TCTN1: variants seen among roughly 807,000 people sequenced by gnomAD.
TCTN1 encodes tectonic-1.
A neutral mutation model predicts 65.8 loss-of-function variants in TCTN1; 58 were observed. That is an observed-to-expected ratio of 0.88 (90% CI 0.71 to 1.10). TCTN1 has a LOEUF of 1.10. Among genes scored for constraint, TCTN1 ranks in the 50% least tolerant of loss-of-function variants. TCTN1 has a pLI of 0.00. For synonymous variants in TCTN1, 273 were observed against 289.1 expected, an observed-to-expected ratio of 0.94 and a Z score of 0.57; for missense variants, 645 against 719.4, an observed-to-expected ratio of 0.90 and a Z score of 1.18.
chr12:110,633,274 CTGTATTCTGCTGAAAAGACAAA>C (rs1236000018), intron 5 of TCTN1, among the ~76,000 whole-genome samples: 1 of 152,218 alleles, frequency 6.6e-6, no homozygotes, highest in Non-Finnish European at 1.5e-5. Context: ...GGAATGTATT[CTGTATTCTGCTGAAAAGACAAA>C]TGTATTCTGC....
At chr12:110,647,435 A>G in intron 13 of TCTN1, 99 bp downstream of exon 13, 1 of 1,481,670 alleles carries the variant, frequency 6.7e-7, no homozygotes, top group African/African-American at 1.4e-5. Flanking sequence ...AAAGATTATA[A>G]TTTAAACCAT....
intron 7 of TCTN1, among the ~76,000 whole-genome samples, chr12:110,638,314 G>T (rs1247351682): frequency 6.6e-6 from 1 of 152,212 alleles, no homozygotes; most frequent in East Asian, 1.9e-4. Context: ...GACACCAAAG[G>T]TTGTGCTCTA....
chr12:110,634,696 T>G lies in TCTN1; in HGVS notation c.739T>G (p.Cys247Gly), dbSNP rs1217263895. The change falls in exon 6 of 15, where the codon TGC becomes GGC. Residue 247 changes from cysteine (C) to glycine (G), a missense_variant. Coordinates refer to ENST00000397659, the MANE Select transcript of TCTN1 (RefSeq NM_001082538.3). ...AAFLVNQAVK[C>G]TRKINLEQCE... Reference sequence around the variant, plus strand: ...GTTTCTGGTGAACCAGGCTGTTAAGTGCACCAGAAAAATAAATTTAGAACA... The same window carrying G: ...GTTTCTGGTGAACCAGGCTGTTAAGGGCACCAGAAAAATAAATTTAGAACA... The G allele has an allele frequency of 1.2e-6, 2 of 1,611,382 alleles. No homozygotes were observed. Among genetic ancestry groups the G allele is most frequent in the Non-Finnish European group, 1.7e-6 (2 of 1,178,644 alleles).
At chr12:110,648,115 T>C (rs1593403448) in intron 14 of TCTN1, among the ~76,000 whole-genome samples, 1 of 152,086 alleles carries the variant, frequency 6.6e-6, no homozygotes, top group African/African-American at 2.4e-5. Flanking sequence ...GGACTACAGG[T>C]GCACACCACA....
intron 1 of TCTN1, among the ~76,000 whole-genome samples, chr12:110,617,797 T>C (rs1033335269): frequency 2.6e-5 from 4 of 150,958 alleles, no homozygotes; most frequent in Non-Finnish European, 4.4e-5. Flanking sequence ...TGTGCCACCA[T>C]GCCCGACTAA....
At chr12:110,643,840 T>G (rs2067126352) in intron 11 of TCTN1, 1 of 152,020 alleles carries the variant, frequency 6.6e-6, no homozygotes, top group Non-Finnish European at 1.5e-5. Flanking sequence ...CCTGGCTAAT[T>G]TTTAAAATTT....
chr12:110,636,397 C>G (rs1206898914), intron 6 of TCTN1, 84 bp from the exon 7 acceptor site: 1 of 949,622 alleles, frequency 1.1e-6, no homozygotes, highest in Admixed American at 1.9e-5. Flanking sequence ...TGAATATACT[C>G]TTCAACTCGA....
intron 14 of TCTN1, chr12:110,648,545 G>GT (rs991798474): frequency 6.3e-6 from 1 of 159,620 alleles, no homozygotes; most frequent in African/African-American, 2.4e-5. Context: ...CTCAGTTCAG[G>GT]TTTTTTCCTT....
At chr12:110,646,263 C>T (rs985345575) in intron 12 of TCTN1, 7 of 152,118 alleles carry the variant, frequency 4.6e-5, no homozygotes, top group East Asian at 1.9e-4. Context: ...ACAGGGTATT[C>T]GAGAGGATTG....
At chr12:110,631,548 C>T (rs1427166414) in intron 4 of TCTN1, among the ~76,000 whole-genome samples, 2 of 152,004 alleles carry the variant, frequency 1.3e-5, no homozygotes, top group Admixed American at 6.5e-5. Flanking sequence ...GCATGAGGAT[C>T]GCTTGAACCC....
At chr12:110,623,107 A>T (rs1305264611) in intron 2 of TCTN1, among the ~76,000 whole-genome samples, 1 of 152,154 alleles carries the variant, frequency 6.6e-6, no homozygotes, top group East Asian at 1.9e-4. Flanking sequence ...CTCACACCTC[A>T]TCCTGTCAAG....
chr12:110,629,055 C>A, intron 4 of TCTN1, 137 bp downstream of exon 4: 2 of 914,520 alleles, frequency 2.2e-6, no homozygotes, highest in Non-Finnish European at 3.4e-6. Flanking sequence ...AATGTTCATG[C>A]CTACAAATCA....
chr12:110,626,696 C>T (rs1163639680), intron 3 of TCTN1, among the ~76,000 whole-genome samples: 1 of 151,592 alleles, frequency 6.6e-6, no homozygotes. Context: ...TCTCCTGCCT[C>T]AGCCTACTGA....
At chr12:110,622,118 CAA>C (rs1181590394) in intron 2 of TCTN1, among the ~76,000 whole-genome samples, 3 of 151,302 alleles carry the variant, frequency 2.0e-5, no homozygotes, top group Admixed American at 2.0e-4. Context: ...GCCCGGGCAA[CAA>C]GAGCGAAACT....
chr12:110,645,458 G>A (rs2067236516), intron 12 of TCTN1: 1 of 370,150 alleles, frequency 2.7e-6, no homozygotes, highest in South Asian at 2.3e-5. Context: ...GGGAACCTCT[G>A]TGATCCTCAT....
intron 1 of TCTN1, among the ~76,000 whole-genome samples, chr12:110,618,226 A>G (rs1232729702): frequency 6.7e-6 from 1 of 148,614 alleles, no homozygotes; most frequent in African/African-American, 2.5e-5. Context: ...GGCGCCCACC[A>G]CCATACCTGG....
intron 12 of TCTN1, chr12:110,646,978 A>C (rs939360461): frequency 1.8e-6 from 1 of 565,018 alleles, no homozygotes; most frequent in Non-Finnish European, 3.1e-6. Flanking sequence ...AAATAGGAGG[A>C]GATGGAAAAA....
rs768347556 is a variant in TCTN1, at chr12:110,640,352, A to G, written c.844-31A>G. The G allele has an allele frequency of 2.5e-6, 4 of 1,614,056 alleles. No homozygotes were observed. Among genetic ancestry groups the G allele is most frequent in the East Asian group, 4.5e-5 (2 of 44,884 alleles). On this transcript the variant is annotated intron_variant, in intron 7 of 14. Transcript: ENST00000397659. This position sits in a 1 kb window ranked among gnomAD's most constrained non-coding sequence, Gnocchi z 4.9. ...TTAGCCCATCCTCCCTGGGTAGAGC[A>G]TCTTCAACACTCCAGGTCTTCACTC... is the stretch of plus-strand genomic sequence containing the variant.
chr12:110,619,805 G>A (rs749337251), intron 1 of TCTN1, 31 bp from the exon 2 acceptor site: 1 of 1,613,768 alleles, frequency 6.2e-7, no homozygotes. Context: ...TGATGGTGAT[G>A]TTCTGGATCC....
Sources: gnomAD v4.1 joint callset for allele counts (sites outside exome capture counted in the v4.1 genomes callset) on GRCh38, gnomAD v4.1.1 for gene constraint, Gnocchi (gnomAD v3.1) non-coding constraint, MANE v1.5 for transcripts, NCBI Gene and HGNC (gene_info 2026-07-23, HGNC 2026-07-21) for gene names.